SLC35F1: variants seen among roughly 807,000 people sequenced by gnomAD.
SLC35F1 encodes chromosome 6 open reading frame 169.
In SLC35F1, 14 loss-of-function variants were observed where a neutral mutation model predicts 48.7. The observed-to-expected ratio is 0.29, with a 90% confidence interval of 0.19 to 0.45. The LOEUF (loss-of-function observed/expected upper bound fraction) is 0.45. Among genes scored for constraint, SLC35F1 ranks in the 20% least tolerant of loss-of-function variants. The pLI is 1.00. For missense variants in SLC35F1, 404 were observed against 500.0 expected (o/e 0.81, Z 1.83); for synonymous variants, 190 against 202.2 (o/e 0.94, Z 0.51).
At chr6:118,212,369 A>T (rs1775010582) in intron 2 of SLC35F1, among the ~76,000 whole-genome samples, 1 of 152,122 alleles carries the variant, frequency 6.6e-6, no homozygotes, top group South Asian at 2.1e-4. Context: ...GTGTCTGTTG[A>T]TTTTAATTAT....
intron 1 of SLC35F1, among the ~76,000 whole-genome samples, chr6:118,084,025 C>T (rs1323113733): frequency 6.6e-6 from 1 of 152,148 alleles, no homozygotes; most frequent in East Asian, 1.9e-4. Context: ...GTTTAATTCT[C>T]ATAACAGCCA....
At chr6:117,948,104 T>C (rs575280534) in intron 1 of SLC35F1, among the ~76,000 whole-genome samples, 1 of 152,316 alleles carries the variant, frequency 6.6e-6, no homozygotes, top group African/African-American at 2.4e-5. Context: ...ATTCAAGGAA[T>C]CTGAAAAAGT....
intron 1 of SLC35F1, among the ~76,000 whole-genome samples, chr6:118,144,749 A>G (rs1349929688): frequency 2.0e-5 from 3 of 152,092 alleles, no homozygotes; most frequent in Non-Finnish European, 2.9e-5. Flanking sequence ...AACAATATTT[A>G]TTTTATATGT....
intron 1 of SLC35F1, among the ~76,000 whole-genome samples, chr6:118,084,527 C>CA (rs1772956812): frequency 6.6e-6 from 1 of 152,096 alleles, no homozygotes; most frequent in South Asian, 2.1e-4. Flanking sequence ...TATTTGCCTA[C>CA]AAATGCTTTA....
chr6:118,242,051 G>A (rs188390680), intron 3 of SLC35F1, among the ~76,000 whole-genome samples: 26 of 152,302 alleles, frequency 1.7e-4, no homozygotes, highest in Admixed American at 5.9e-4. Context: ...GCAGGTTTTT[G>A]TGTTAATAAA....
intron 1 of SLC35F1, among the ~76,000 whole-genome samples, chr6:118,008,654 A>G (rs752686542): frequency 6.6e-6 from 1 of 152,176 alleles, no homozygotes; most frequent in East Asian, 1.9e-4. Flanking sequence ...GGATAAGAGA[A>G]CCTTTTCTGG....
intron 5 of SLC35F1, 75 bp from the exon 6 acceptor site, chr6:118,277,419 G>T: frequency 7.6e-7 from 1 of 1,307,432 alleles, no homozygotes. Flanking sequence ...TGATAAGTGG[G>T]GGGGAAAAAA....
At position 117,999,556 on chromosome 6, in the gene SLC35F1, A is replaced by G. The variant is rs111904891; in HGVS notation, c.173+91657A>G. On this transcript the variant is annotated intron_variant, in intron 1 of 7. Transcript: ENST00000360388. ...TCCTCCTGTGCTATTTGTACAAATA[A>G]ACCTGAGGCAGGAAAAAAAAAAAAA... 1,878 of 591,596 alleles carry G rather than the reference A, an allele frequency of 3.2e-3. 7 individuals are homozygous for G. Among genetic ancestry groups the G allele is most frequent in the Middle Eastern group, 4.9e-3 (10 of 2,034 alleles). 36.6% of individuals were successfully genotyped at this position (591,596 alleles called of 1,614,324 possible).
At chr6:118,036,322 G>A (rs1258460278) in intron 1 of SLC35F1, among the ~76,000 whole-genome samples, 1 of 152,046 alleles carries the variant, frequency 6.6e-6, no homozygotes, top group Non-Finnish European at 1.5e-5. Flanking sequence ...GATATTTGAG[G>A]AATTCCTGAT....
chr6:117,922,783 G>A (rs1254696238), intron 1 of SLC35F1, among the ~76,000 whole-genome samples: 4 of 152,146 alleles, frequency 2.6e-5, no homozygotes, highest in Non-Finnish European at 5.9e-5. Flanking sequence ...TCCTCTTTGA[G>A]CCAGGTTTAG....
chr6:118,143,701 G>A (rs1238569774), intron 1 of SLC35F1, among the ~76,000 whole-genome samples: 2 of 151,930 alleles, frequency 1.3e-5, no homozygotes, highest in Non-Finnish European at 2.9e-5. Flanking sequence ...TGAAAGTGTT[G>A]GTACTTCCAA....
chr6:118,170,189 A>G (rs1399822409), intron 2 of SLC35F1, among the ~76,000 whole-genome samples: 1 of 152,230 alleles, frequency 6.6e-6, no homozygotes, highest in African/African-American at 2.4e-5. Flanking sequence ...CTCTTACTAT[A>G]TGGAACTTCC....
intron 1 of SLC35F1, among the ~76,000 whole-genome samples, chr6:118,100,328 C>T (rs371575048): frequency 2.0e-5 from 3 of 152,026 alleles, no homozygotes; most frequent in Middle Eastern, 3.2e-3. Context: ...GTTAGCCAAA[C>T]TTGAGGTTAA....
At chr6:118,280,299 G>A (rs1287136432) in intron 6 of SLC35F1, among the ~76,000 whole-genome samples, 1 of 152,170 alleles carries the variant, frequency 6.6e-6, no homozygotes, top group Non-Finnish European at 1.5e-5. Flanking sequence ...TACCCCACGG[G>A]TCATACTGTC....
intron 1 of SLC35F1, among the ~76,000 whole-genome samples, chr6:117,911,950 A>C (rs1278277936): frequency 6.6e-6 from 1 of 152,216 alleles, no homozygotes; most frequent in African/African-American, 2.4e-5. Flanking sequence ...ATGATTTCTT[A>C]ATGAAATGTT....
At chr6:117,973,551 GTTTA>G (rs1026210145) in intron 1 of SLC35F1, among the ~76,000 whole-genome samples, 1 of 151,476 alleles carries the variant, frequency 6.6e-6, no homozygotes, top group Non-Finnish European at 1.5e-5. Flanking sequence ...TTATTATTTT[GTTTA>G]TTTATTTATT....
chr6:118,042,519 G>A (rs1054375180), intron 1 of SLC35F1, among the ~76,000 whole-genome samples: 1 of 152,148 alleles, frequency 6.6e-6, no homozygotes, highest in African/African-American at 2.4e-5. Flanking sequence ...AGTAATGGTG[G>A]AAGATCCAAG....
rs376963400 is a variant in SLC35F1, at chr6:118,294,255, A to G, written c.1002+8917A>G. ...AAAAGGCAAGCCTGGGGTCTCATGC[A>G]TAAAAATGTAGAAAACATTGTATTA... On this transcript the variant is annotated intron_variant, in intron 7 of 7. Transcript: ENST00000360388. 6.6e-5 allele frequency among the ~76,000 whole-genome samples: 10 copies of G among 152,358 alleles called. No individual in the cohort carries two copies. The East Asian group carries it at 1.2e-3, about 18-fold the overall frequency.
At chr6:117,990,292 A>T (rs1776901204) in intron 1 of SLC35F1, among the ~76,000 whole-genome samples, 1 of 152,104 alleles carries the variant, frequency 6.6e-6, no homozygotes, top group African/African-American at 2.4e-5. Flanking sequence ...ATACTAAGGA[A>T]TTTCTGTCTC....
Sources: gnomAD v4.1 joint callset for allele counts (sites outside exome capture counted in the v4.1 genomes callset) on GRCh38, gnomAD v4.1.1 for gene constraint, MANE v1.5 for transcripts, NCBI Gene and HGNC (gene_info 2026-07-23, HGNC 2026-07-21) for gene names.